LMO7: variants seen among roughly 807,000 people sequenced by gnomAD.
The protein encoded by LMO7 is LIM domain 7, also known as LIM domain only protein 7.
LMO7 carries 120 observed loss-of-function variants against 206.5 expected under a neutral mutation model. That is an observed-to-expected ratio of 0.58 (90% CI 0.50 to 0.68). The LOEUF (loss-of-function observed/expected upper bound fraction) is 0.68, where lower values mean the gene tolerates loss of function less well. LMO7 is among the 30% of genes least tolerant of loss of function. The pLI, the probability that LMO7 is intolerant of heterozygous loss-of-function variation, is 0.00. For synonymous variants in LMO7, 706 were observed against 681.5 expected, an observed-to-expected ratio of 1.04 and a Z score of -0.56; for missense variants, 1,959 against 1,957.9, an observed-to-expected ratio of 1.00 and a Z score of -0.01.
At chr13:75,692,542 T>C (rs1241154289) in intron 1 of LMO7, among the ~76,000 whole-genome samples, 3 of 152,200 alleles carry the variant, frequency 2.0e-5, no homozygotes, top group Admixed American at 2.0e-4. Context: ...CACACCACCA[T>C]GCCTGGCTCA....
chr13:75,622,954 A>G (rs766857184), intron 1 of LMO7, among the ~76,000 whole-genome samples: 21 of 152,232 alleles, frequency 1.4e-4, no homozygotes, highest in Admixed American at 6.5e-5. Context: ...TGAAGAAACT[A>G]AAATGAAAGA....
intron 1 of LMO7, among the ~76,000 whole-genome samples, chr13:75,672,917 A>C (rs548622064): frequency 1.0e-4 from 11 of 107,072 alleles, no homozygotes; most frequent in Non-Finnish European, 2.1e-4. Context: ...AGGTGACTTG[A>C]TATGTGTGTG....
intron 1 of LMO7, among the ~76,000 whole-genome samples, chr13:75,707,770 C>A (rs534842486): frequency 6.6e-6 from 1 of 151,782 alleles, no homozygotes; most frequent in South Asian, 2.1e-4. Flanking sequence ...TATATAAATA[C>A]TGTACAAATG....
intron 2 of LMO7, among the ~76,000 whole-genome samples, chr13:75,718,301 G>A (rs2043724524): frequency 6.6e-6 from 1 of 152,166 alleles, no homozygotes; most frequent in African/African-American, 2.4e-5. Context: ...TTTGCAGAAG[G>A]TTTTTAATAT....
At chr13:75,627,754 A>C (rs1051696679) in intron 2 of LMO7, 2 of 151,996 alleles carry the variant, frequency 1.3e-5, no homozygotes, top group Non-Finnish European at 2.9e-5. Context: ...GTAAACATAC[A>C]TTCTCTCCTT....
chr13:75,819,287 A>G (rs2057351673), intron 12 of LMO7, 106 bp from the exon 13 acceptor site: 1 of 1,313,790 alleles, frequency 7.6e-7, no homozygotes, highest in Admixed American at 2.7e-5. Flanking sequence ...ATCCAGTTGG[A>G]GTGAATAGTT....
chr13:75,809,218 G>A (rs376579957), intron 11 of LMO7, 35 bp downstream of exon 11: 57 of 1,574,244 alleles, frequency 3.6e-5, no homozygotes, highest in African/African-American at 2.2e-4. Flanking sequence ...AAATCTGTGC[G>A]TGTTGTTTGT....
At chr13:75,846,131 G>T (rs1229076310) in intron 26 of LMO7, among the ~76,000 whole-genome samples, 1 of 151,904 alleles carries the variant, frequency 6.6e-6, no homozygotes, top group African/African-American at 2.4e-5. Flanking sequence ...GTTTTCATGT[G>T]TTATCTTTCA....
At chr13:75,645,025 A>G (rs1445551027) in intron 1 of LMO7, among the ~76,000 whole-genome samples, 1 of 152,226 alleles carries the variant, frequency 6.6e-6, no homozygotes, top group Middle Eastern at 3.2e-3. Flanking sequence ...TTAAAGTGTT[A>G]AAAAAGGAAA....
chr13:75,655,637 T>TTATATATATATATATATA (rs67966172), intron 1 of LMO7, among the ~76,000 whole-genome samples: 7 of 134,716 alleles, frequency 5.2e-5, no homozygotes, highest in Non-Finnish European at 7.8e-5. Flanking sequence ...TTCATGGATT[T>TTATATATATATATATATA]TATATATATA....
chr13:75,762,787 C>T (rs1025948930), intron 4 of LMO7, among the ~76,000 whole-genome samples: 1 of 152,106 alleles, frequency 6.6e-6, no homozygotes, highest in Non-Finnish European at 1.5e-5. Context: ...GAGTGGGAAC[C>T]TTGACTTCAC....
rs1327028750 is a variant in LMO7 at position 75,834,404 on chromosome 13, A to G, written c.3226+17A>G. ...GAAAGGCTGGTGAGTTTGTGTTACC[A>G]CCATGTCTGGCATTTGAAACTGGGA... On this transcript the variant is annotated intron_variant, in intron 17 of 30. Transcript: ENST00000377534. 8 of 1,548,054 alleles carry G rather than the reference A, an allele frequency of 5.2e-6. No homozygotes were observed. In the South Asian group the frequency reaches 9.9e-5, roughly 19 times the overall value.
At chr13:75,676,823 A>G (rs1054509564) in intron 1 of LMO7, among the ~76,000 whole-genome samples, 1 of 152,184 alleles carries the variant, frequency 6.6e-6, no homozygotes, top group African/African-American at 2.4e-5. Context: ...ATACGGTGGC[A>G]GTTCTTTGAT....
At chr13:75,776,121 A>T (rs571959853) in intron 4 of LMO7, among the ~76,000 whole-genome samples, 1,601 of 78,722 alleles carry the variant, frequency 0.02, 18 homozygotes, top group Middle Eastern at 0.05. Flanking sequence ...ATACATACAT[A>T]CATACATATA....
At chr13:75,740,121 GT>G (rs2046296596) in intron 3 of LMO7, among the ~76,000 whole-genome samples, 1 of 152,228 alleles carries the variant, frequency 6.6e-6, no homozygotes, top group African/African-American at 2.4e-5. Flanking sequence ...ATATTAGAAT[GT>G]GGCTTGGATG....
At chr13:75,664,957 G>T (rs2038956798) in intron 1 of LMO7, among the ~76,000 whole-genome samples, 1 of 152,136 alleles carries the variant, frequency 6.6e-6, no homozygotes, top group East Asian at 1.9e-4. Context: ...CACTTGGTAT[G>T]CCTCATTTAT....
chr13:75,842,786 T>C, intron 24 of LMO7, 65 bp from the exon 25 acceptor site: 1 of 981,120 alleles, frequency 1.0e-6, no homozygotes, highest in South Asian at 1.3e-5. Context: ...GATACCCTTT[T>C]CTTAAACTCA....
At chr13:75,857,797 T>A (rs1053542932) in intron 30 of LMO7, 124 bp from the exon 31 acceptor site, 1 of 547,108 alleles carries the variant, frequency 1.8e-6, no homozygotes. Flanking sequence ...TAAGAGTGAG[T>A]GACAGGTTAC....
intron 1 of LMO7, among the ~76,000 whole-genome samples, chr13:75,663,432 C>CTTTCTTTCTTTCTT (rs1555289857): frequency 2.2e-4 from 24 of 111,378 alleles, no homozygotes; most frequent in African/African-American, 5.6e-4. Context: ...TTCTTTCTTT[C>CTTTCTTTCTTTCTT]TTTTTTTTTT....
Sources: allele counts gnomAD v4.1 joint callset (sites outside exome capture counted in the v4.1 genomes callset), GRCh38; gene constraint gnomAD v4.1.1; transcripts MANE v1.5; gene names NCBI Gene and HGNC (gene_info 2026-07-23, HGNC 2026-07-21).